Variants in FBXL17 observed in about 807,000 individuals in gnomAD.
The protein encoded by FBXL17 is F-box and leucine rich repeat protein 17, also known as F-box/LRR-repeat protein 17.
Under a neutral mutation model 66.2 loss-of-function variants are expected in FBXL17, and 22 were observed. That is an observed-to-expected ratio of 0.33 (90% CI 0.24 to 0.47). The LOEUF (loss-of-function observed/expected upper bound fraction) is 0.47. Ranked by LOEUF, FBXL17 falls within the 20% of genes least tolerant of loss-of-function variation. The pLI is 1.00. For synonymous variants in FBXL17, 474 were observed against 400.5 expected, an observed-to-expected ratio of 1.18 and a Z score of -2.19; for missense variants, 878 against 948.2, an observed-to-expected ratio of 0.93 and a Z score of 0.97.
intron 4 of FBXL17, among the ~76,000 whole-genome samples, chr5:108,237,009 T>C (rs1320864046): frequency 6.6e-6 from 1 of 152,138 alleles, no homozygotes; most frequent in Non-Finnish European, 1.5e-5. Context: ...CTCTCTGCCA[T>C]GTAGTAGGTG....
intron 7 of FBXL17, among the ~76,000 whole-genome samples, chr5:107,963,768 A>G (rs928842011): frequency 1.3e-5 from 2 of 152,290 alleles, no homozygotes; most frequent in Non-Finnish European, 2.9e-5. Context: ...GGGAGCATGG[A>G]AAATCATGTT....
chr5:108,332,109 T>C (rs1429450230), intron 4 of FBXL17, among the ~76,000 whole-genome samples: 1 of 151,968 alleles, frequency 6.6e-6, no homozygotes, highest in Non-Finnish European at 1.5e-5. Flanking sequence ...ATGATAAACA[T>C]AAAATTCAGG....
chr5:108,127,078 T>C (rs541453708), intron 6 of FBXL17, among the ~76,000 whole-genome samples: 3 of 152,282 alleles, frequency 2.0e-5, no homozygotes, highest in East Asian at 3.9e-4. Flanking sequence ...TTGTTGTTTA[T>C]GTGTATGTTT....
At chr5:108,163,708 A>AT (rs1002605032) in intron 6 of FBXL17, among the ~76,000 whole-genome samples, 6 of 152,074 alleles carry the variant, frequency 3.9e-5, no homozygotes, top group South Asian at 2.1e-4. Context: ...GCCTTAAAAC[A>AT]TTTTTTAAAA....
chr5:108,102,430 C>A (rs746361923), intron 6 of FBXL17, among the ~76,000 whole-genome samples: 12 of 152,108 alleles, frequency 7.9e-5, no homozygotes, highest in Non-Finnish European at 1.3e-4. Flanking sequence ...TCAGACAGAC[C>A]TGAATTTTAA....
At chr5:108,147,674 G>A (rs1403217449) in intron 6 of FBXL17, among the ~76,000 whole-genome samples, 1 of 152,152 alleles carries the variant, frequency 6.6e-6, no homozygotes, top group Non-Finnish European at 1.5e-5. Context: ...GTTGACAAAT[G>A]ATGAACACCA....
chr5:108,075,620 C>T (rs1748513258), intron 6 of FBXL17, among the ~76,000 whole-genome samples: 1 of 151,934 alleles, frequency 6.6e-6, no homozygotes, highest in South Asian at 2.1e-4. Flanking sequence ...GAATTACAGG[C>T]GCCCGCCACT....
At chr5:108,241,285 C>G (rs1189594832) in intron 4 of FBXL17, among the ~76,000 whole-genome samples, 1 of 152,088 alleles carries the variant, frequency 6.6e-6, no homozygotes, top group Non-Finnish European at 1.5e-5. Flanking sequence ...TTTTATCAGA[C>G]AAGTTTAACA....
intron 8 of FBXL17, among the ~76,000 whole-genome samples, chr5:107,866,739 T>C (rs1748288118): frequency 6.6e-6 from 1 of 152,212 alleles, no homozygotes; most frequent in African/African-American, 2.4e-5. Flanking sequence ...CCTTTTTGAC[T>C]CAGGTTTTAA....
intron 6 of FBXL17, among the ~76,000 whole-genome samples, chr5:108,163,591 C>T (rs780127941): frequency 6.6e-6 from 1 of 151,890 alleles, no homozygotes; most frequent in Non-Finnish European, 1.5e-5. Flanking sequence ...TTAGTAGAGA[C>T]GGGGTTTCAC....
chr5:107,896,190 C>T (rs932001211), intron 7 of FBXL17, among the ~76,000 whole-genome samples: 1 of 152,058 alleles, frequency 6.6e-6, no homozygotes, highest in African/African-American at 2.4e-5. Flanking sequence ...TATCCCGCAT[C>T]ATTATTTCGT....
At chr5:108,358,807 T>C (rs781088799) in intron 3 of FBXL17, among the ~76,000 whole-genome samples, 7 of 152,114 alleles carry the variant, frequency 4.6e-5, no homozygotes, top group Non-Finnish European at 1.0e-4. Context: ...AAAGCTATGG[T>C]CCTTAGTCTT....
intron 4 of FBXL17, among the ~76,000 whole-genome samples, chr5:108,267,394 G>C (rs1224800351): frequency 5.1e-4 from 77 of 151,992 alleles, no homozygotes; most frequent in Non-Finnish European, 4.4e-5. Context: ...GTTTATATAA[G>C]ACATTAACAA....
At chr5:108,086,203 C>T (rs1362657438) in intron 6 of FBXL17, among the ~76,000 whole-genome samples, 1 of 151,702 alleles carries the variant, frequency 6.6e-6, no homozygotes, top group Non-Finnish European at 1.5e-5. Flanking sequence ...ACAGTAAAAA[C>T]CTAGAAAGGT....
At chr5:107,983,106 G>A (rs1273197304) in intron 7 of FBXL17, among the ~76,000 whole-genome samples, 2 of 151,962 alleles carry the variant, frequency 1.3e-5, no homozygotes, top group South Asian at 4.2e-4. Flanking sequence ...ATCTGGCCTA[G>A]ACCTGACGAC....
At position 107,861,206 on chromosome 5, in the gene FBXL17, T is replaced by C. The variant is rs1172121011; in HGVS notation, c.*514A>G. The C allele has an allele frequency of 1.3e-5, 2 of 152,206 alleles. No individual in the cohort carries two copies. The allele number at this position is 152,206 out of a possible 1,614,324, so 9.4% of individuals were successfully genotyped here. On this transcript the variant is annotated 3_prime_UTR_variant, in exon 9 of 9. Coordinates refer to ENST00000542267, the MANE Select transcript of FBXL17 (RefSeq NM_001163315.3). ...TACCTTAGTGGCCTGGAAGAAGGCT[T>C]CTCTGTCAGGAAACGATCTAGAGTA...
chr5:107,911,642 T>C (rs189119171), intron 7 of FBXL17, among the ~76,000 whole-genome samples: 5 of 152,120 alleles, frequency 3.3e-5, no homozygotes, highest in Admixed American at 6.5e-5. Flanking sequence ...AGTGACAGAG[T>C]TGGAATTCAA....
intron 7 of FBXL17, among the ~76,000 whole-genome samples, chr5:107,881,777 T>C (rs1748802270): frequency 6.6e-6 from 1 of 152,364 alleles, no homozygotes; most frequent in South Asian, 2.1e-4. Context: ...GTAAACAGAA[T>C]GCATTTGTTA....
At chr5:108,114,818 A>G (rs286812) in intron 6 of FBXL17, among the ~76,000 whole-genome samples, 112,435 of 152,022 alleles carry the variant, frequency 0.74, 41,773 homozygotes, top group East Asian at 0.92. Context: ...GGCTTGTGAT[A>G]CTACATCATT....
Sources: gnomAD v4.1 joint callset for allele counts (sites outside exome capture counted in the v4.1 genomes callset) on GRCh38, gnomAD v4.1.1 for gene constraint, MANE v1.5 for transcripts, NCBI Gene and HGNC (gene_info 2026-07-23, HGNC 2026-07-21) for gene names.